RAB18: variants seen among roughly 807,000 people sequenced by gnomAD.
RAB18 encodes the protein RAB18, member RAS oncogene family.
RAB18 carries 10 observed loss-of-function variants against 28.5 expected under a neutral mutation model. The ratio of observed to expected loss-of-function variants is 0.35; its 90% CI spans 0.22 to 0.60. The LOEUF (loss-of-function observed/expected upper bound fraction) is 0.60, where lower values mean the gene tolerates loss of function less well. Ranked by LOEUF, RAB18 falls within the 20% of genes least tolerant of loss-of-function variation. The pLI is 0.78. For synonymous variants in RAB18, 93 were observed against 86.9 expected (o/e 1.07, Z -0.39); for missense variants, 188 against 244.2 (o/e 0.77, Z 1.53).
chr10:27,505,761 T>C (rs559639878), intron 1 of RAB18, among the ~76,000 whole-genome samples: 25 of 152,142 alleles, frequency 1.6e-4, no homozygotes, highest in Non-Finnish European at 2.5e-4. Flanking sequence ...GGTTTCACCA[T>C]GTTGGCCAGG....
chr10:27,542,015 C>T lies in RAB18; in HGVS notation c.*3964C>T. ...ATGTTTGCCTAGGCTTTTTCAGGAG[C>T]AATTGAAGACATCTTGTTGGAGATA... On this transcript the variant is annotated 3_prime_UTR_variant, in exon 7 of 7. Transcript: ENST00000356940. 1 of 454,022 alleles carries T rather than the reference C, an allele frequency of 2.2e-6. No individual in the cohort carries two copies. The highest frequency in any genetic ancestry group is 1.6e-5 in the South Asian group (1 of 64,468). 28.1% of individuals were successfully genotyped at this position (454,022 alleles called of 1,614,324 possible).
At chr10:27,519,148 T>TA (rs146636226) in intron 2 of RAB18, among the ~76,000 whole-genome samples, 5,554 of 148,528 alleles carry the variant, frequency 0.037, 316 homozygotes, top group African/African-American at 0.13. Flanking sequence ...GGTTTAACAT[T>TA]AAAAAAAAAA....
rs1283036391 is a variant in RAB18, at chr10:27,539,106, TAACCAGTAGTTCATCAA to T, written c.*1061_*1077del. ...AAATCTTGACAATTTACTTAACAAG[TAACCAGTAGTTCATCAA>T]AACCAACTTGTACAGACTAATAAAT... On this transcript the variant is annotated 3_prime_UTR_variant, in exon 7 of 7. Coordinates refer to ENST00000356940, the MANE Select transcript of RAB18 (RefSeq NM_021252.5). 2.4e-6 allele frequency: 1 copy of T among 411,528 alleles called. No individual in the cohort carries two copies. Among genetic ancestry groups the T allele is most frequent in the South Asian group, 1.8e-5 (1 of 56,902 alleles). The allele number at this position is 411,528 out of a possible 1,614,324, so 25.5% of individuals were successfully genotyped here.
chr10:27,519,574 T>C (rs1170790015), intron 2 of RAB18, among the ~76,000 whole-genome samples: 1 of 152,112 alleles, frequency 6.6e-6, no homozygotes, highest in Non-Finnish European at 1.5e-5. Flanking sequence ...AAATACAATT[T>C]TAGATAAAAA....
chr10:27,504,388 A>C lies in RAB18; in HGVS notation c.19A>C (p.Thr7Pro). ...GGTCAGGATGGACGAGGACGTGCTAACCACCCTGAAGATCCTCATCATCGG... is the reference window on the plus strand; with the variant it reads ...GGTCAGGATGGACGAGGACGTGCTACCCACCCTGAAGATCCTCATCATCGG... MDEDVL[T>P]TLKILIIGES... Residue 7 changes from threonine (T) to proline (P), a missense_variant, in exon 1 of 7, where the codon ACC (threonine) becomes CCC (proline). Coordinates refer to ENST00000356940, the MANE Select transcript of RAB18 (RefSeq NM_021252.5). 1 of 1,576,212 alleles carries C rather than the reference A, an allele frequency of 6.3e-7. No homozygotes were observed. Among genetic ancestry groups the C allele is most frequent in the Non-Finnish European group, 8.6e-7 (1 of 1,161,242 alleles).
intron 3 of RAB18, 43 bp downstream of exon 3, chr10:27,526,932 T>C (rs1343706353): frequency 1.3e-6 from 2 of 1,565,654 alleles, no homozygotes; most frequent in Non-Finnish European, 1.8e-6. Context: ...TAAACTTTAC[T>C]TTTTAAGGAT....
intron 2 of RAB18, among the ~76,000 whole-genome samples, chr10:27,511,025 C>T (rs1173801967): frequency 6.6e-6 from 1 of 152,150 alleles, no homozygotes; most frequent in African/African-American, 2.4e-5. Context: ...TCTTCAACGT[C>T]TGCATACTTT....
Position 27,533,956 on chromosome 10 carries a change from G to C in RAB18, c.407G>C (p.Gly136Ala), listed in dbSNP as rs1834842742. 2.5e-6 allele frequency: 4 copies of C among 1,609,098 alleles called. No homozygotes were observed. Among genetic ancestry groups the C allele is most frequent in the Non-Finnish European group, 3.4e-6 (4 of 1,175,600 alleles). Residue 136 changes from glycine (G) to alanine (A), a missense_variant, in exon 6 of 7, where the codon GGC (glycine) becomes GCC (alanine). Transcript: ENST00000356940. ...AATCGTGAAGTCGATAGAAATGAAG[G>C]CCTGAAATTTGCACGAAAGCATTCC... ...KENREVDRNEGLKFARKHSML... is the reference protein window; with the variant it reads ...KENREVDRNEALKFARKHSML...
chr10:27,532,249 A>G (rs1834803115), intron 3 of RAB18, among the ~76,000 whole-genome samples: 1 of 152,068 alleles, frequency 6.6e-6, no homozygotes, highest in Non-Finnish European at 1.5e-5. Context: ...GTTTCATTTC[A>G]TGTATGATAA....
At position 27,539,617 on chromosome 10, in the gene RAB18, G is replaced by A. The variant is rs1300944612; in HGVS notation, c.*1566G>A. 3 of 449,456 alleles carry A rather than the reference G, an allele frequency of 6.7e-6. No individual in the cohort carries two copies. The highest frequency in any genetic ancestry group is 6.0e-5 in the African/African-American group (3 of 49,716). 27.8% of individuals were successfully genotyped at this position (449,456 alleles called of 1,614,324 possible). On this transcript the variant is annotated 3_prime_UTR_variant, in exon 7 of 7. Coordinates refer to ENST00000356940, the MANE Select transcript of RAB18 (RefSeq NM_021252.5). ...TTGTTCATGTTATATTAAAACTTGA[G>A]ATTTGTGTATTTATGTAGAGTCTGT...
intron 2 of RAB18, among the ~76,000 whole-genome samples, chr10:27,525,274 TTATA>T (rs1280679207): frequency 6.6e-6 from 1 of 152,180 alleles, no homozygotes; most frequent in Non-Finnish European, 1.5e-5. Context: ...AATTAGTTCT[TTATA>T]TACTCCCTGA....
chr10:27,516,893 G>T (rs551301251), intron 2 of RAB18, among the ~76,000 whole-genome samples: 1 of 152,312 alleles, frequency 6.6e-6, no homozygotes, highest in African/African-American at 2.4e-5. Flanking sequence ...AAATGCAAAA[G>T]TGGTATGGTA....
Position 27,537,935 on chromosome 10 carries a change from A to T in RAB18, c.505A>T (p.Ile169Phe). Reference protein sequence around the residue: ...QCAFEELVEKIIQTPGLWESE... With the variant: ...QCAFEELVEKFIQTPGLWESE... Reference sequence around the variant, plus strand: ...TGCCTTTGAAGAACTTGTTGAAAAGATCATTCAGACCCCTGGACTGTGGGA... The same window carrying T: ...TGCCTTTGAAGAACTTGTTGAAAAGTTCATTCAGACCCCTGGACTGTGGGA... The change falls in exon 7 of 7, where the codon ATC becomes TTC. Residue 169 changes from isoleucine (I) to phenylalanine (F), a missense_variant. By Grantham distance (21) the Ile-to-Phe change is conservative. Transcript: ENST00000356940. The T allele has an allele frequency of 6.2e-7, 1 of 1,614,060 alleles. No individual in the cohort carries two copies. The highest frequency in any genetic ancestry group is 8.5e-7 in the Non-Finnish European group (1 of 1,179,978).
chr10:27,533,070 A>G (rs1232240522), intron 4 of RAB18, among the ~76,000 whole-genome samples: 4 of 152,080 alleles, frequency 2.6e-5, no homozygotes, highest in African/African-American at 9.6e-5. Context: ...TGTTCTTGAT[A>G]TTCCTGGGAA....
chr10:27,528,440 C>G, intron 3 of RAB18: 2 of 419,134 alleles, frequency 4.8e-6, no homozygotes, highest in Admixed American at 2.9e-5. Context: ...AGTGAGCATT[C>G]TTTAAAATAT....
intron 3 of RAB18, chr10:27,531,667 G>A (rs1834791089): frequency 1.4e-6 from 1 of 723,356 alleles, no homozygotes; most frequent in Admixed American, 2.0e-5. Context: ...AATAAAACAG[G>A]TGGTGGGCTG....
intron 1 of RAB18, among the ~76,000 whole-genome samples, 155 bp from the exon 2 acceptor site, chr10:27,509,720 G>A (rs921008824): frequency 6.6e-6 from 1 of 152,086 alleles, no homozygotes; most frequent in African/African-American, 2.4e-5. Context: ...TAATTTTTCT[G>A]TGTATACCTG....
At chr10:27,518,660 T>C (rs1014049650) in intron 2 of RAB18, among the ~76,000 whole-genome samples, 1 of 152,098 alleles carries the variant, frequency 6.6e-6, no homozygotes, top group Non-Finnish European at 1.5e-5. Flanking sequence ...ATATTCTGCA[T>C]TTAAGTCTGT....
Position 27,537,142 on chromosome 10 carries a change from T to G in RAB18, c.446-734T>G, listed in dbSNP as rs568225329. Reference sequence around the variant, plus strand: ...GATAGCAGCAGGGACAGTTTATCCATTCTCACAGGAGGGAAAGCAGAGCAT... The same window carrying G: ...GATAGCAGCAGGGACAGTTTATCCAGTCTCACAGGAGGGAAAGCAGAGCAT... On this transcript the variant is annotated intron_variant, in intron 6 of 6. Transcript: ENST00000356940. Among the ~76,000 whole-genome samples the G allele has an allele frequency of 1.1e-4, 17 of 152,306 alleles. No homozygotes were observed. The East Asian group carries it at 3.1e-3, about 28-fold the overall frequency.
Sources: gnomAD v4.1 joint callset for allele counts (sites outside exome capture counted in the v4.1 genomes callset) on GRCh38, gnomAD v4.1.1 for gene constraint, MANE v1.5 for transcripts, NCBI Gene and HGNC (gene_info 2026-07-23, HGNC 2026-07-21) for gene names.